The following AAK1 variants were observed in gnomAD, a reference collection of about 807,000 sequenced individuals.
AAK1 encodes the protein AP2 associated kinase 1, also known as AP2-associated protein kinase 1.
In AAK1, 37 loss-of-function variants were observed where a neutral mutation model predicts 116.0. The observed-to-expected ratio is 0.32, with a 90% CI of 0.25 to 0.42. The LOEUF is 0.42. AAK1 is among the 10% of genes least tolerant of loss of function. The pLI, the probability that AAK1 is intolerant of heterozygous loss-of-function variation, is 1.00. For missense variants in AAK1, 919 were observed against 1,170.6 expected (o/e 0.79, Z 3.14); for synonymous variants, 458 against 439.9 (o/e 1.04, Z -0.51).
chr2:69,489,905 G>T (rs1375324152), intron 17 of AAK1, among the ~76,000 whole-genome samples: 1 of 152,098 alleles, frequency 6.6e-6, no homozygotes, highest in Non-Finnish European at 1.5e-5. Flanking sequence ...CACATATTAT[G>T]ATCAACCTTG....
At position 69,488,124 on chromosome 2, in the gene AAK1, C is replaced by T. The variant is rs112150965; in HGVS notation, c.2366-5312G>A. On this transcript the variant is annotated intron_variant, in intron 17 of 21. Coordinates refer to ENST00000409085, the MANE Select transcript of AAK1 (RefSeq NM_014911.5). Reference sequence around the variant, plus strand: ...ACTCTGATATTTTTAGAACTGACTCCAGACTCTAAACGTGTGTGTGTGGAC... The same window carrying T: ...ACTCTGATATTTTTAGAACTGACTCTAGACTCTAAACGTGTGTGTGTGGAC... Among the ~76,000 whole-genome samples, 1,011 of 148,182 alleles carry T rather than the reference C, an allele frequency of 6.8e-3. 11 individuals are homozygous for T. The highest frequency in any genetic ancestry group is 0.025 in the African/African-American group (972 of 39,018).
At chr2:69,613,418 CAG>C (rs1674173716) in intron 2 of AAK1, among the ~76,000 whole-genome samples, 1 of 152,172 alleles carries the variant, frequency 6.6e-6, no homozygotes, top group Non-Finnish European at 1.5e-5. Flanking sequence ...CTCCAGAATG[CAG>C]AGTGTCTTTT....
rs1489373033 is a variant in AAK1, at chr2:69,461,130, C to T, written c.*14739G>A. On this transcript the variant is annotated 3_prime_UTR_variant, in exon 22 of 22. Coordinates refer to ENST00000409085, the MANE Select transcript of AAK1 (RefSeq NM_014911.5). ...AAGATTATACCATATTTTTACTGTA[C>T]CTTTTCTATGTCTAAAATGTTTGGA... The T allele has an allele frequency of 1.3e-5, 2 of 152,178 alleles. No individual in the cohort carries two copies. Among genetic ancestry groups the T allele is most frequent in the African/African-American group, 4.8e-5 (2 of 41,448 alleles). 9.4% of individuals were successfully genotyped at this position (152,178 alleles called of 1,614,324 possible).
chr2:69,470,249 A>G lies in AAK1; in HGVS notation c.*5620T>C, dbSNP rs1674631030. 1.0e-6 allele frequency: 1 copy of G among 985,344 alleles called. No homozygotes were observed. The highest frequency in any genetic ancestry group is 6.1e-5 in the Admixed American group (1 of 16,264). The allele number at this position is 985,344 out of a possible 1,614,324, so 61.0% of individuals were successfully genotyped here. A position where few individuals can be genotyped will look rare whatever the true frequency, so the allele number is the denominator to read the frequency against. On this transcript the variant is annotated 3_prime_UTR_variant, in exon 22 of 22. Coordinates refer to ENST00000409085, the MANE Select transcript of AAK1 (RefSeq NM_014911.5). Reference sequence around the variant, plus strand: ...AAAACAGAAAACGAAGACTTGGAGCATTGAGAAGAAGCCTTCTCACATATA... The same window carrying G: ...AAAACAGAAAACGAAGACTTGGAGCGTTGAGAAGAAGCCTTCTCACATATA...
At chr2:69,497,987 C>G (rs555048004) in intron 16 of AAK1, among the ~76,000 whole-genome samples, 10 of 152,240 alleles carry the variant, frequency 6.6e-5, no homozygotes, top group African/African-American at 1.9e-4. Flanking sequence ...TCTGGGACCC[C>G]ACCCACACCC....
At chr2:69,574,262 T>C (rs1008451653) in intron 2 of AAK1, among the ~76,000 whole-genome samples, 3 of 150,720 alleles carry the variant, frequency 2.0e-5, no homozygotes, top group African/African-American at 4.9e-5. Flanking sequence ...TCCCAGCTAC[T>C]CGGGAGGCTG....
chr2:69,544,611 G>T, intron 3 of AAK1, 67 bp from the exon 4 acceptor site: 1 of 1,124,046 alleles, frequency 8.9e-7, no homozygotes, highest in Non-Finnish European at 1.3e-6. Flanking sequence ...TAGCCAGTCA[G>T]TTCCATTAGC....
intron 12 of AAK1, among the ~76,000 whole-genome samples, chr2:69,517,671 T>G (rs1272747594): frequency 1.3e-5 from 2 of 150,090 alleles, no homozygotes; most frequent in African/African-American, 4.9e-5. Context: ...CGGAAGACGG[T>G]CAGACACATC....
At chr2:69,492,796 T>C (rs976083134) in intron 17 of AAK1, among the ~76,000 whole-genome samples, 1 of 152,022 alleles carries the variant, frequency 6.6e-6, no homozygotes, top group East Asian at 1.9e-4. Flanking sequence ...AGTGCTGGTA[T>C]TACAGGTGTC....
chr2:69,503,962 G>C (rs2104954689), intron 16 of AAK1, among the ~76,000 whole-genome samples: 1 of 149,132 alleles, frequency 6.7e-6, no homozygotes. Flanking sequence ...TCGCACCATT[G>C]CACTCCAGCC....
At chr2:69,569,907 C>T (rs1218122951) in intron 2 of AAK1, among the ~76,000 whole-genome samples, 1 of 152,084 alleles carries the variant, frequency 6.6e-6, no homozygotes, top group African/African-American at 2.4e-5. Flanking sequence ...CAGATTGGGG[C>T]TGTTATAAAG....
intron 2 of AAK1, among the ~76,000 whole-genome samples, chr2:69,591,117 G>C (rs559259140): frequency 2.6e-5 from 4 of 152,232 alleles, no homozygotes; most frequent in African/African-American, 9.6e-5. Flanking sequence ...AATATCTACA[G>C]TTAAGGAGTT....
At chr2:69,519,382 T>A in intron 11 of AAK1, 142 bp from the exon 12 acceptor site, 1 of 1,198,982 alleles carries the variant, frequency 8.3e-7, no homozygotes. Flanking sequence ...TCTTTCCACA[T>A]GCTCTGTCCC....
chr2:69,589,197 A>T (rs1157853432), intron 2 of AAK1, among the ~76,000 whole-genome samples: 5 of 152,216 alleles, frequency 3.3e-5, no homozygotes, highest in African/African-American at 1.2e-4. Flanking sequence ...AGGTGGCACT[A>T]CGTGGAGATA....
chr2:69,542,878 A>G (rs1401885968), intron 4 of AAK1, among the ~76,000 whole-genome samples: 3 of 152,194 alleles, frequency 2.0e-5, no homozygotes, highest in Non-Finnish European at 4.4e-5. Flanking sequence ...CATCAAAAAC[A>G]GTTTCTTTAT....
chr2:69,595,104 CT>C (rs1673211553), intron 2 of AAK1: 1 of 630,200 alleles, frequency 1.6e-6, no homozygotes, highest in Non-Finnish European at 3.0e-6. Context: ...GATTTTGTTT[CT>C]TTTTTGTTTT....
chr2:69,621,013 G>A (rs961176114), intron 2 of AAK1, among the ~76,000 whole-genome samples: 1 of 152,146 alleles, frequency 6.6e-6, no homozygotes, highest in African/African-American at 2.4e-5. Context: ...TCTCACTGTG[G>A]TGCGTCCACC....
In AAK1 at chr2:69,471,909, C is replaced by T. The variant is rs1490093035; in HGVS notation, c.*3960G>A. 4 of 985,222 alleles carry T rather than the reference C, an allele frequency of 4.1e-6. No homozygotes were observed. Among genetic ancestry groups the T allele is most frequent in the Non-Finnish European group, 4.8e-6 (4 of 829,754 alleles). The allele number at this position is 985,222 out of a possible 1,614,324, so 61.0% of individuals were successfully genotyped here. ...ACAACCAAAAGTATTAATAATAAAACAAATATTACATCTTGAGAAAGTAGT... is the reference window on the plus strand; with the variant it reads ...ACAACCAAAAGTATTAATAATAAAATAAATATTACATCTTGAGAAAGTAGT... On this transcript the variant is annotated 3_prime_UTR_variant, in exon 22 of 22. Transcript: ENST00000409085.
intron 2 of AAK1, among the ~76,000 whole-genome samples, chr2:69,605,917 T>C (rs1158469763): frequency 1.3e-5 from 2 of 152,114 alleles, no homozygotes; most frequent in African/African-American, 2.4e-5. Flanking sequence ...ACAGACCTCA[T>C]CTGTGGCATT....
Sources: allele counts gnomAD v4.1 joint callset (sites outside exome capture counted in the v4.1 genomes callset), GRCh38; gene constraint gnomAD v4.1.1; transcripts MANE v1.5; gene names NCBI Gene and HGNC (gene_info 2026-07-23, HGNC 2026-07-21).